VAV3: variants seen among roughly 807,000 people sequenced by gnomAD.
The protein encoded by VAV3 is guanine nucleotide exchange factor VAV3.
In VAV3, 94 loss-of-function variants were observed where a neutral mutation model predicts 131.2. That is an observed-to-expected ratio of 0.72 (90% CI 0.61 to 0.85). The LOEUF (loss-of-function observed/expected upper bound fraction) is 0.85, where lower values mean the gene tolerates loss of function less well. Among genes scored for constraint, VAV3 ranks in the 40% least tolerant of loss-of-function variants. The pLI is 0.00. For missense variants in VAV3, 939 were observed against 1,002.7 expected (o/e 0.94, Z 0.86); for synonymous variants, 349 against 342.0 (o/e 1.02, Z -0.22).
chr1:107,799,769 T>A (rs989768155), intron 2 of VAV3, among the ~76,000 whole-genome samples: 1 of 152,306 alleles, frequency 6.6e-6, no homozygotes, highest in Admixed American at 6.5e-5. Flanking sequence ...ACTTTAGTGA[T>A]CTATCACAGG....
chr1:107,588,503 A>G (rs1328891044), intron 25 of VAV3, among the ~76,000 whole-genome samples: 1 of 152,196 alleles, frequency 6.6e-6, no homozygotes, highest in African/African-American at 2.4e-5. Context: ...TAGCAGGAGC[A>G]AAACACATAG....
intron 21 of VAV3, among the ~76,000 whole-genome samples, chr1:107,613,709 T>C (rs1449129786): frequency 6.6e-6 from 1 of 152,240 alleles, no homozygotes; most frequent in South Asian, 2.1e-4. Context: ...GGTTTGTTTC[T>C]GGATTGATTT....
chr1:107,822,549 G>A (rs1667839296), intron 2 of VAV3, among the ~76,000 whole-genome samples: 1 of 151,916 alleles, frequency 6.6e-6, no homozygotes, highest in Admixed American at 6.6e-5. Context: ...CAGCTACTTG[G>A]GAGGCTGAGG....
In VAV3 at chr1:107,765,057, A is replaced by G. The variant is rs757859450; in HGVS notation, c.921+19T>C. 1.3e-6 allele frequency: 2 copies of G among 1,579,266 alleles called. No individual in the cohort carries two copies. Among genetic ancestry groups the G allele is most frequent in the Admixed American group, 3.4e-5 (2 of 59,382 alleles). On this transcript the variant is annotated intron_variant, in intron 9 of 26. Coordinates refer to ENST00000370056, the MANE Select transcript of VAV3 (RefSeq NM_006113.5). ...AGGTTTATTTTGCTTTATGTCATAA[A>G]CTAAAAATAAATAGGCACCTCTAAT...
intron 25 of VAV3, among the ~76,000 whole-genome samples, chr1:107,583,890 G>T (rs1650275193): frequency 6.6e-6 from 1 of 152,134 alleles, no homozygotes; most frequent in African/African-American, 2.4e-5. Context: ...TTTCTTCACA[G>T]AATTGGAAAA....
At chr1:107,912,563 G>C (rs1292861406) in intron 1 of VAV3, among the ~76,000 whole-genome samples, 2 of 152,142 alleles carry the variant, frequency 1.3e-5, no homozygotes, top group African/African-American at 4.8e-5. Context: ...CCTGAGATCC[G>C]ATTTCCCAAC....
intron 20 of VAV3, among the ~76,000 whole-genome samples, chr1:107,629,293 G>C (rs1654264119): frequency 1.3e-5 from 2 of 152,154 alleles, no homozygotes; most frequent in Admixed American, 1.3e-4. Context: ...CTGTTTCTCT[G>C]TCTTGCCCTC....
intron 26 of VAV3, 112 bp downstream of exon 26, chr1:107,573,935 G>C (rs1395862495): frequency 8.7e-6 from 12 of 1,386,248 alleles, no homozygotes; most frequent in Non-Finnish European, 9.6e-6. Context: ...AGGCCTGTGG[G>C]CTGAAAGCTG....
chr1:107,586,361 A>T (rs952056590), intron 25 of VAV3, among the ~76,000 whole-genome samples: 3 of 152,188 alleles, frequency 2.0e-5, no homozygotes, highest in Non-Finnish European at 4.4e-5. Context: ...ATAATGAATG[A>T]ATGAATGTGG....
At chr1:107,631,712 G>A (rs934480403) in intron 20 of VAV3, among the ~76,000 whole-genome samples, 2 of 143,094 alleles carry the variant, frequency 1.4e-5, no homozygotes, top group Non-Finnish European at 3.0e-5. Flanking sequence ...CCACCTATGA[G>A]TGAGAACATG....
At chr1:107,843,782 T>G (rs1380445) in intron 2 of VAV3, among the ~76,000 whole-genome samples, 51,483 of 151,682 alleles carry the variant, frequency 0.34, 9,259 homozygotes, top group African/African-American at 0.45. Flanking sequence ...GGGGAGTCTT[T>G]TGCCTGTTCA....
At chr1:107,733,394 T>G (rs1277454877) in intron 15 of VAV3, among the ~76,000 whole-genome samples, 2 of 152,192 alleles carry the variant, frequency 1.3e-5, no homozygotes, top group African/African-American at 4.8e-5. Flanking sequence ...ATGACTTTGA[T>G]GAGTTGACAG....
At chr1:107,813,243 G>A (rs1244554951) in intron 2 of VAV3, among the ~76,000 whole-genome samples, 1 of 152,102 alleles carries the variant, frequency 6.6e-6, no homozygotes, top group Non-Finnish European at 1.5e-5. Flanking sequence ...AAGGCATGGG[G>A]ACTTCATGGA....
chr1:107,756,598 A>G (rs925562716), intron 11 of VAV3, among the ~76,000 whole-genome samples: 2 of 152,062 alleles, frequency 1.3e-5, no homozygotes, highest in African/African-American at 4.8e-5. Flanking sequence ...ATATTTGCCT[A>G]CGCTTTAAGT....
intron 1 of VAV3, among the ~76,000 whole-genome samples, chr1:107,919,918 A>G (rs1034584900): frequency 1.3e-5 from 2 of 152,188 alleles, no homozygotes; most frequent in African/African-American, 4.8e-5. Context: ...AAAAAAAATG[A>G]AAGAGAAAAT....
intron 4 of VAV3, among the ~76,000 whole-genome samples, chr1:107,775,577 C>CAAAAAAAAAAAAAA (rs34775096): frequency 1.8e-5 from 1 of 56,444 alleles, no homozygotes; most frequent in Non-Finnish European, 2.9e-5. Flanking sequence ...GACTCAGTCA[C>CAAAAAAAAAAAAAA]AAAAAAAAAA....
intron 2 of VAV3, among the ~76,000 whole-genome samples, chr1:107,831,746 C>T (rs1668256749): frequency 6.6e-6 from 1 of 152,170 alleles, no homozygotes; most frequent in Non-Finnish European, 1.5e-5. Context: ...TATTCTGGCT[C>T]CCAGCATCAT....
intron 20 of VAV3, among the ~76,000 whole-genome samples, chr1:107,638,149 A>G (rs373051319): frequency 1.4e-4 from 21 of 152,314 alleles, no homozygotes; most frequent in African/African-American, 4.6e-4. Flanking sequence ...GATCTGGAAT[A>G]AGGCAAGGAT....
At chr1:107,902,356 T>C (rs1182309318) in intron 1 of VAV3, among the ~76,000 whole-genome samples, 1 of 152,238 alleles carries the variant, frequency 6.6e-6, no homozygotes, top group Non-Finnish European at 1.5e-5. Context: ...TTTTTTTTAA[T>C]CTTACATTGA....
Sources: allele counts gnomAD v4.1 joint callset (sites outside exome capture counted in the v4.1 genomes callset), GRCh38; gene constraint gnomAD v4.1.1; transcripts MANE v1.5; gene names NCBI Gene and HGNC (gene_info 2026-07-23, HGNC 2026-07-21).